Variants in FILIP1L observed in about 807,000 individuals in gnomAD.
The protein encoded by FILIP1L is filamin A interacting protein 1 like, also known as filamin A-interacting protein 1-like.
In FILIP1L, 55 loss-of-function variants were observed where a neutral mutation model predicts 96.6. The ratio of observed to expected loss-of-function variants is 0.57; its 90% confidence interval spans 0.46 to 0.71. The LOEUF (loss-of-function observed/expected upper bound fraction) is 0.71, where lower values mean the gene tolerates loss of function less well. Among genes scored for constraint, FILIP1L ranks in the 30% least tolerant of loss-of-function variants. FILIP1L has a pLI of 0.00. For synonymous variants in FILIP1L, 467 were observed against 473.9 expected, an observed-to-expected ratio of 0.99 and a Z score of 0.19; for missense variants, 1,304 against 1,321.2, an observed-to-expected ratio of 0.99 and a Z score of 0.20.
At chr3:100,100,065 A>G (rs1409834240) in intron 1 of FILIP1L, among the ~76,000 whole-genome samples, 6 of 152,160 alleles carry the variant, frequency 3.9e-5, no homozygotes, top group Admixed American at 2.0e-4. Flanking sequence ...AGAACTGAGG[A>G]GTGGGCAAGT....
At chr3:99,852,217 G>A (rs1198529165) in intron 4 of FILIP1L, among the ~76,000 whole-genome samples, 1 of 152,152 alleles carries the variant, frequency 6.6e-6, no homozygotes, top group African/African-American at 2.4e-5. Flanking sequence ...TTGCAGTACT[G>A]TTATACAGAA....
intron 4 of FILIP1L, chr3:99,876,125 C>T: frequency 1.0e-6 from 1 of 986,362 alleles, no homozygotes; most frequent in Non-Finnish European, 1.2e-6. Flanking sequence ...CGCTGTAGTG[C>T]CGCGCTGCGA....
At chr3:99,971,808 C>T (rs1708831001) in intron 1 of FILIP1L, among the ~76,000 whole-genome samples, 1 of 152,144 alleles carries the variant, frequency 6.6e-6, no homozygotes, top group Admixed American at 6.5e-5. Context: ...AGAGTCGGTT[C>T]CTAGCTTGAA....
chr3:100,060,526 C>T (rs1019005512), intron 1 of FILIP1L, among the ~76,000 whole-genome samples: 2 of 152,060 alleles, frequency 1.3e-5, no homozygotes, highest in Admixed American at 1.3e-4. Flanking sequence ...AAATGCTTAG[C>T]TACCACCTCT....
intron 4 of FILIP1L, among the ~76,000 whole-genome samples, chr3:99,900,725 C>G (rs1706408398): frequency 6.6e-6 from 1 of 152,220 alleles, no homozygotes; most frequent in Admixed American, 6.5e-5. Context: ...TGCTGATACT[C>G]AAACTGAGCT....
intron 4 of FILIP1L, among the ~76,000 whole-genome samples, chr3:99,914,539 AT>A (rs1389264789): frequency 1.3e-5 from 2 of 152,196 alleles, no homozygotes; most frequent in African/African-American, 4.8e-5. Flanking sequence ...ACATCATATC[AT>A]GTTTAAATTG....
chr3:99,970,938 G>A (rs1708795422), intron 1 of FILIP1L, among the ~76,000 whole-genome samples: 1 of 152,230 alleles, frequency 6.6e-6, no homozygotes, highest in South Asian at 2.1e-4. Flanking sequence ...AGTCATTCAT[G>A]TGAAGGAATA....
chr3:100,104,665 CAGG>C (rs2066365077), intron 1 of FILIP1L, among the ~76,000 whole-genome samples: 1 of 152,100 alleles, frequency 6.6e-6, no homozygotes, highest in African/African-American at 2.4e-5. Flanking sequence ...TCCTGTTTTG[CAGG>C]AGTAGTAGCA....
intron 1 of FILIP1L, among the ~76,000 whole-genome samples, chr3:99,973,806 A>G (rs1025214969): frequency 1.3e-5 from 2 of 152,186 alleles, no homozygotes; most frequent in African/African-American, 4.8e-5. Context: ...GTTAGATGTT[A>G]AATACCTCTA....
chr3:99,996,212 C>T (rs1240242305), intron 1 of FILIP1L, among the ~76,000 whole-genome samples: 2 of 152,124 alleles, frequency 1.3e-5, no homozygotes, highest in African/African-American at 4.8e-5. Flanking sequence ...TCATCTCTCT[C>T]AAGTTCAAAG....
intron 4 of FILIP1L, among the ~76,000 whole-genome samples, chr3:99,859,486 G>C (rs1392686256): frequency 6.6e-6 from 1 of 152,162 alleles, no homozygotes; most frequent in African/African-American, 2.4e-5. Context: ...TCCAGAGCTA[G>C]TTTAATACAT....
chr3:99,905,489 A>G (rs1273543654), intron 4 of FILIP1L, among the ~76,000 whole-genome samples: 2 of 152,156 alleles, frequency 1.3e-5, no homozygotes, highest in African/African-American at 4.8e-5. Context: ...AACATGTAAC[A>G]TACTCCATTT....
At chr3:99,904,911 T>A (rs190443010) in intron 4 of FILIP1L, among the ~76,000 whole-genome samples, 120 of 152,302 alleles carry the variant, frequency 7.9e-4, no homozygotes, top group African/African-American at 2.7e-3. Context: ...GTCTACATCC[T>A]CACCACCTTC....
chr3:99,926,993 G>A (rs984144616), intron 3 of FILIP1L, among the ~76,000 whole-genome samples: 2 of 152,078 alleles, frequency 1.3e-5, no homozygotes, highest in Middle Eastern at 3.2e-3. Flanking sequence ...TCTCCTGTTC[G>A]GGGCCAAAAG....
At chr3:99,955,955 T>A (rs1467391015) in intron 1 of FILIP1L, among the ~76,000 whole-genome samples, 1 of 152,196 alleles carries the variant, frequency 6.6e-6, no homozygotes, top group African/African-American at 2.4e-5. Flanking sequence ...TGTTATGACG[T>A]ATTTACTTGC....
intron 1 of FILIP1L, among the ~76,000 whole-genome samples, chr3:99,971,793 A>G (rs1002148912): frequency 7.9e-5 from 12 of 152,218 alleles, no homozygotes; most frequent in African/African-American, 2.4e-4. Flanking sequence ...CCCATAAAAG[A>G]GAACAGAGTC....
intron 1 of FILIP1L, among the ~76,000 whole-genome samples, chr3:100,019,547 GTAAA>G (rs1283978229): frequency 6.6e-6 from 1 of 152,080 alleles, no homozygotes; most frequent in Non-Finnish European, 1.5e-5. Flanking sequence ...AAAGAGAAAA[GTAAA>G]TACGTAAAAT....
At chr3:100,056,181 A>T (rs1380245881) in intron 1 of FILIP1L, among the ~76,000 whole-genome samples, 1 of 152,214 alleles carries the variant, frequency 6.6e-6, no homozygotes, top group East Asian at 1.9e-4. Flanking sequence ...CAAAAATGGT[A>T]GGGTACCAAA....
intron 5 of FILIP1L, among the ~76,000 whole-genome samples, chr3:99,846,745 G>T (rs1943382504): frequency 6.6e-6 from 1 of 152,182 alleles, no homozygotes. Context: ...GGGAAAGGAG[G>T]ATAATTGTGA....
Sources: gnomAD v4.1 joint callset for allele counts (sites outside exome capture counted in the v4.1 genomes callset) on GRCh38, gnomAD v4.1.1 for gene constraint, MANE v1.5 for transcripts, NCBI Gene and HGNC (gene_info 2026-07-23, HGNC 2026-07-21) for gene names.